PPP4R4: variants seen among roughly 807,000 people sequenced by gnomAD.
PPP4R4 encodes serine/threonine-protein phosphatase 4 regulatory subunit 4.
PPP4R4 carries 70 observed loss-of-function variants against 121.8 expected under a neutral mutation model. The observed-to-expected ratio is 0.57, with a 90% CI of 0.47 to 0.70. The LOEUF is 0.70. PPP4R4 is among the 30% of genes least tolerant of loss of function. PPP4R4 has a pLI of 0.00. For missense variants in PPP4R4, 875 were observed against 1,033.6 expected (o/e 0.85, Z 2.10); for synonymous variants, 348 against 355.7 (o/e 0.98, Z 0.24).
In PPP4R4 at chr14:94,264,859, G is replaced by T; in HGVS notation, c.2128-19G>T. On this transcript the variant is annotated intron_variant, in intron 19 of 24. Coordinates refer to ENST00000304338, the MANE Select transcript of PPP4R4 (RefSeq NM_058237.2). ...TACTTCAGTTGTACCTTTAATGCAA[G>T]ATACTGTCTTAATAACAGGAACAAT... 1 of 1,564,460 alleles carries T rather than the reference G, an allele frequency of 6.4e-7. No individual in the cohort carries two copies. The highest frequency in any genetic ancestry group is 1.4e-5 in the African/African-American group (1 of 73,120).
chr14:94,241,405 CACAT>C (rs1892627622), intron 9 of PPP4R4, among the ~76,000 whole-genome samples: 1 of 152,028 alleles, frequency 6.6e-6, no homozygotes, highest in African/African-American at 2.4e-5. Context: ...GACACATACA[CACAT>C]GCATGTGTCT....
chr14:94,196,686 C>A (rs1298390367), intron 2 of PPP4R4, among the ~76,000 whole-genome samples: 1 of 151,982 alleles, frequency 6.6e-6, no homozygotes, highest in Non-Finnish European at 1.5e-5. Flanking sequence ...TGTGTTTATT[C>A]ATCTTTTTCT....
intron 3 of PPP4R4, among the ~76,000 whole-genome samples, chr14:94,229,888 C>A (rs753541705): frequency 1.2e-4 from 18 of 152,076 alleles, no homozygotes; most frequent in Non-Finnish European, 2.6e-4. Flanking sequence ...ACAGTAATAT[C>A]TTTGAGGCTT....
chr14:94,193,643 G>A (rs1889717710), intron 2 of PPP4R4, among the ~76,000 whole-genome samples: 1 of 152,156 alleles, frequency 6.6e-6, no homozygotes, highest in African/African-American at 2.4e-5. Flanking sequence ...AAACTAGGAA[G>A]AATGTTAGGT....
intron 3 of PPP4R4, among the ~76,000 whole-genome samples, chr14:94,225,682 C>G (rs917926518): frequency 2.0e-5 from 3 of 152,190 alleles, no homozygotes; most frequent in African/African-American, 4.8e-5. Flanking sequence ...CAACAGGAAT[C>G]ACTGAAAGGT....
chr14:94,275,324 C>G (rs1286988435), intron 23 of PPP4R4, 50 bp from the exon 24 acceptor site: 2 of 1,588,800 alleles, frequency 1.3e-6, no homozygotes, highest in Non-Finnish European at 1.7e-6. Context: ...TTTGGTTACC[C>G]TCTTTGTTAG....
At chr14:94,277,056 T>G (rs927780025) in intron 24 of PPP4R4, among the ~76,000 whole-genome samples, 2 of 152,110 alleles carry the variant, frequency 1.3e-5, no homozygotes, top group African/African-American at 4.8e-5. Context: ...CCCAGCAATA[T>G]GGGAGGCCGA....
At chr14:94,247,231 A>G (rs1892942745) in intron 14 of PPP4R4, among the ~76,000 whole-genome samples, 1 of 152,240 alleles carries the variant, frequency 6.6e-6, no homozygotes, top group African/African-American at 2.4e-5. Flanking sequence ...ATTTTTTGAA[A>G]TATAGAAACA....
intron 19 of PPP4R4, 50 bp downstream of exon 19, chr14:94,259,419 T>A (rs1359782560): frequency 6.9e-7 from 1 of 1,454,884 alleles, no homozygotes; most frequent in Non-Finnish European, 9.1e-7. Context: ...GATTAATAAC[T>A]GTGTTTTTTT....
rs570079404 is a variant in PPP4R4, at chr14:94,248,811, T to C, written c.1612-1361T>C. Among the ~76,000 whole-genome samples, 3 of 152,318 alleles carry C rather than the reference T, an allele frequency of 2.0e-5. No homozygotes were observed. In the East Asian group the frequency reaches 5.8e-4, roughly 29 times the overall value. On this transcript the variant is annotated intron_variant, in intron 14 of 24. Coordinates refer to ENST00000304338, the MANE Select transcript of PPP4R4 (RefSeq NM_058237.2). ...TTTGATTACCTTGAGCTACGTTTAC[T>C]AATGTAAAGACAGGATGAATTCTTA...
chr14:94,256,499 T>C lies in PPP4R4; in HGVS notation c.1905T>C (p.Thr635=). 6.2e-7 allele frequency: 1 copy of C among 1,603,656 alleles called. No individual in the cohort carries two copies. Among genetic ancestry groups the C allele is most frequent in the Non-Finnish European group, 8.5e-7 (1 of 1,171,376 alleles). ...ACCTGTTGCCCAAAGTGAAATCTAC[T>C]CTGAAGATTCCTGCTGATAAGCATC... ...LCYLLPKVKS[T]LKIPADKHLL... Residue 635 remains threonine, a synonymous_variant, in exon 17 of 25, where the codon ACT becomes ACC. Transcript: ENST00000304338.
intron 2 of PPP4R4, among the ~76,000 whole-genome samples, chr14:94,184,469 G>A (rs530137846): frequency 6.6e-6 from 1 of 152,098 alleles, no homozygotes; most frequent in South Asian, 2.1e-4. Context: ...CTATTGCCCA[G>A]TCTTGTCTTG....
Position 94,275,526 on chromosome 14 carries a change from G to A in PPP4R4, c.2597+5G>A, listed in dbSNP as rs1894590240. 2.5e-6 allele frequency: 4 copies of A among 1,613,734 alleles called. No homozygotes were observed. Among genetic ancestry groups the A allele is most frequent in the Non-Finnish European group, 2.5e-6 (3 of 1,179,826 alleles). ...ACAACCACGGAAGGCTACCTTGTAA[G>A]TAATCAAGTGATGTCAGACTGAGTG... On this transcript the variant is annotated splice_donor_5th_base_variant and intron_variant, in intron 24 of 24. Transcript: ENST00000304338.
chr14:94,174,436 G>A lies in PPP4R4; in HGVS notation c.-30G>A. Reference sequence around the variant, plus strand: ...GCGTCCGGCATCCCGGGGCCGCTCCGGCCCGGGCGGCGAGAGTGCCCGGCG... The same window carrying A: ...GCGTCCGGCATCCCGGGGCCGCTCCAGCCCGGGCGGCGAGAGTGCCCGGCG... On this transcript the variant is annotated 5_prime_UTR_variant, in exon 1 of 25. Transcript: ENST00000304338. 6.5e-7 allele frequency: 1 copy of A among 1,537,686 alleles called. No homozygotes were observed. Among genetic ancestry groups the A allele is most frequent in the Non-Finnish European group, 8.7e-7 (1 of 1,143,548 alleles).
intron 17 of PPP4R4, 27 bp downstream of exon 17, chr14:94,256,631 G>A (rs1420476540): frequency 6.5e-6 from 10 of 1,544,056 alleles, no homozygotes; most frequent in Admixed American, 1.8e-5. Flanking sequence ...CCACAATGTT[G>A]CATTTTTTGC....
At chr14:94,226,622 C>CTATT (rs1423889453) in intron 3 of PPP4R4, among the ~76,000 whole-genome samples, 3 of 152,142 alleles carry the variant, frequency 2.0e-5, no homozygotes, top group Admixed American at 2.0e-4. Flanking sequence ...ATGAAGAGGG[C>CTATT]TATTACACTA....
intron 2 of PPP4R4, among the ~76,000 whole-genome samples, chr14:94,198,978 G>T (rs1339104896): frequency 6.6e-6 from 1 of 152,076 alleles, no homozygotes; most frequent in African/African-American, 2.4e-5. Context: ...CTACAACTTT[G>T]TTTTTGTCAG....
chr14:94,234,569 C>A lies in PPP4R4; in HGVS notation c.631C>A (p.Arg211=). 6.3e-7 allele frequency: 1 copy of A among 1,585,650 alleles called. No individual in the cohort carries two copies. Among genetic ancestry groups the A allele is most frequent in the South Asian group, 1.1e-5 (1 of 89,906 alleles). Reference sequence around the variant, plus strand: ...TTTTCTCCCCACCTTCAGCATTAAGCGAGAAATACTTCCTCTGGTAAAATC... The same window carrying A: ...TTTTCTCCCCACCTTCAGCATTAAGAGAGAAATACTTCCTCTGGTAAAATC... ...TNKFDAHTIK[R]EILPLVKSLC... Residue 211 remains arginine (R), a synonymous_variant, in exon 7 of 25, where the codon CGA becomes AGA. Transcript: ENST00000304338.
At chr14:94,246,043 G>T (rs527932793) in intron 13 of PPP4R4, among the ~76,000 whole-genome samples, 1 of 152,230 alleles carries the variant, frequency 6.6e-6, no homozygotes, top group South Asian at 2.1e-4. Flanking sequence ...GGAGGTCAAA[G>T]CTTATTGACA....
Sources: allele counts gnomAD v4.1 joint callset (sites outside exome capture counted in the v4.1 genomes callset), GRCh38; gene constraint gnomAD v4.1.1; transcripts MANE v1.5; gene names NCBI Gene and HGNC (gene_info 2026-07-23, HGNC 2026-07-21).